The following MLLT3 variants were observed in gnomAD, a reference collection of about 807,000 sequenced individuals.
MLLT3 encodes the protein MLLT3 super elongation complex subunit, also known as protein AF-9.
A neutral mutation model predicts 53.2 loss-of-function variants in MLLT3; 4 were observed. The ratio of observed to expected loss-of-function variants is 0.08; its 90% CI spans 0.04 to 0.17. The LOEUF (loss-of-function observed/expected upper bound fraction) is 0.17, where lower values mean the gene tolerates loss of function less well. Among genes scored for constraint, MLLT3 ranks in the 10% least tolerant of loss-of-function variants. MLLT3 has a pLI of 1.00. For synonymous variants in MLLT3, 283 were observed against 230.6 expected, an observed-to-expected ratio of 1.23 and a Z score of -2.06; for missense variants, 569 against 684.0, an observed-to-expected ratio of 0.83 and a Z score of 1.87.
At chr9:20,558,347 G>T (rs1430448332) in intron 2 of MLLT3, among the ~76,000 whole-genome samples, 2 of 152,164 alleles carry the variant, frequency 1.3e-5, no homozygotes, top group Non-Finnish European at 2.9e-5. Flanking sequence ...TGGCCAGGCT[G>T]ATCTCAAGTG....
intron 2 of MLLT3, among the ~76,000 whole-genome samples, chr9:20,492,597 T>C (rs1824976836): frequency 1.3e-5 from 2 of 151,982 alleles, no homozygotes; most frequent in East Asian, 3.9e-4. Flanking sequence ...TTCCCACATA[T>C]ATTAAGATAT....
At chr9:20,462,063 C>G (rs143027556) in intron 2 of MLLT3, among the ~76,000 whole-genome samples, 72 of 152,326 alleles carry the variant, frequency 4.7e-4, no homozygotes, top group South Asian at 1.5e-3. Flanking sequence ...CCAAACTGTT[C>G]TGCACAAGCA....
chr9:20,397,448 G>T (rs554225513), intron 5 of MLLT3, among the ~76,000 whole-genome samples: 1 of 152,072 alleles, frequency 6.6e-6, no homozygotes, highest in South Asian at 2.1e-4. Context: ...CTTTTCAGGC[G>T]ATTGGAGAGA....
chr9:20,378,144 T>G (rs1490844116), intron 5 of MLLT3, among the ~76,000 whole-genome samples: 1 of 151,132 alleles, frequency 6.6e-6, no homozygotes, highest in Non-Finnish European at 1.5e-5. Context: ...ATTTTTTGTA[T>G]GTGTTTTCTT....
In MLLT3 at chr9:20,462,772, G is replaced by A. The variant is rs549717035; in HGVS notation, c.194-5986C>T. On this transcript the variant is annotated intron_variant, in intron 2 of 10. Coordinates refer to ENST00000380338, the MANE Select transcript of MLLT3 (RefSeq NM_004529.4). Reference sequence around the variant, plus strand: ...AATGCTGTTTCCCACACCTCCTCTCGTTCCTTATCCCAGACCATCATTTAT... The same window carrying A: ...AATGCTGTTTCCCACACCTCCTCTCATTCCTTATCCCAGACCATCATTTAT... Among the ~76,000 whole-genome samples the A allele has an allele frequency of 5.3e-5, 8 of 152,054 alleles. No individual in the cohort carries two copies. In the South Asian group the frequency reaches 6.2e-4, roughly 12 times the overall value.
intron 2 of MLLT3, among the ~76,000 whole-genome samples, chr9:20,514,644 A>G (rs1187114876): frequency 6.6e-6 from 1 of 152,066 alleles, no homozygotes; most frequent in Non-Finnish European, 1.5e-5. Flanking sequence ...TCTAGCTGCC[A>G]GCCTTTATGG....
chr9:20,350,883 C>T (rs138613173), intron 10 of MLLT3, among the ~76,000 whole-genome samples: 1 of 152,172 alleles, frequency 6.6e-6, no homozygotes, highest in Non-Finnish European at 1.5e-5. Flanking sequence ...ATTTCAAAAA[C>T]CAGGGTTCTT....
chr9:20,617,545 C>T (rs1820863450), intron 2 of MLLT3, among the ~76,000 whole-genome samples: 1 of 152,124 alleles, frequency 6.6e-6, no homozygotes, highest in Non-Finnish European at 1.5e-5. Flanking sequence ...TCACATCATA[C>T]TAAAAACAAA....
intron 4 of MLLT3, among the ~76,000 whole-genome samples, chr9:20,417,256 G>A (rs1217705195): frequency 6.8e-6 from 1 of 147,290 alleles, no homozygotes; most frequent in Non-Finnish European, 1.5e-5. Context: ...TGTAATAAAT[G>A]TAAAACAGTG....
intron 10 of MLLT3, among the ~76,000 whole-genome samples, chr9:20,346,784 C>T (rs187064944): frequency 6.6e-6 from 1 of 152,060 alleles, no homozygotes; most frequent in Non-Finnish European, 1.5e-5. Context: ...CCAGTGAGAA[C>T]CTGTCTTGCT....
intron 2 of MLLT3, among the ~76,000 whole-genome samples, chr9:20,555,430 A>C (rs532741089): frequency 3.3e-5 from 5 of 152,304 alleles, no homozygotes; most frequent in South Asian, 4.1e-4. Context: ...TACAGGCGTG[A>C]GCCACCAGAC....
At chr9:20,405,838 G>T (rs986499292) in intron 5 of MLLT3, among the ~76,000 whole-genome samples, 2 of 152,088 alleles carry the variant, frequency 1.3e-5, no homozygotes, top group Non-Finnish European at 2.9e-5. Flanking sequence ...CTGGCCGGGT[G>T]TGGTGGCTCA....
Position 20,394,477 on chromosome 9 carries a change from G to A in MLLT3, c.1125+19244C>T, listed in dbSNP as rs377672557. Among the ~76,000 whole-genome samples, 11 of 152,248 alleles carry A rather than the reference G, an allele frequency of 7.2e-5. No individual in the cohort carries two copies. In the East Asian group the frequency reaches 1.7e-3, roughly 24 times the overall value. ...ACTACAGTGTCTTAGTTCTGATAGT[G>A]CAGTAAGGAGGGGGCATTAGGGATG... On this transcript the variant is annotated intron_variant, in intron 5 of 10. Transcript: ENST00000380338.
intron 2 of MLLT3, among the ~76,000 whole-genome samples, chr9:20,586,051 C>T (rs1199227828): frequency 6.6e-6 from 1 of 152,154 alleles, no homozygotes; most frequent in Non-Finnish European, 1.5e-5. Flanking sequence ...GGAACAATCA[C>T]TCACATCTGT....
chr9:20,448,417 C>A lies in MLLT3; in HGVS notation c.277-151G>T. On this transcript the variant is annotated intron_variant, in intron 3 of 10. Coordinates refer to ENST00000380338, the MANE Select transcript of MLLT3 (RefSeq NM_004529.4). The surrounding 1 kb of genome is among the most constrained non-coding windows in gnomAD (Gnocchi z 4.0). ...GTAGTACTGGGAAAAAAAAAAGTAT[C>A]ATGGAATCATCAGTGAAACAAAATA... The A allele has an allele frequency of 1.7e-6, 1 of 591,920 alleles. No individual in the cohort carries two copies. The highest frequency in any genetic ancestry group is 2.8e-6 in the Non-Finnish European group (1 of 358,992). 36.7% of individuals were successfully genotyped at this position (591,920 alleles called of 1,614,324 possible).
At chr9:20,359,438 A>G (rs1443262552) in intron 8 of MLLT3, among the ~76,000 whole-genome samples, 2 of 152,208 alleles carry the variant, frequency 1.3e-5, no homozygotes, top group African/African-American at 4.8e-5. Flanking sequence ...AGAAGTAAAT[A>G]ACTTGCTGAA....
intron 2 of MLLT3, among the ~76,000 whole-genome samples, chr9:20,610,819 A>T (rs1326665636): frequency 6.6e-6 from 1 of 152,144 alleles, no homozygotes; most frequent in African/African-American, 2.4e-5. Context: ...CTTCCAGCCC[A>T]CTAGTTACTA....
chr9:20,488,858 A>G (rs1450719650), intron 2 of MLLT3, among the ~76,000 whole-genome samples: 2 of 152,228 alleles, frequency 1.3e-5, no homozygotes, highest in Non-Finnish European at 2.9e-5. Context: ...ATTTAGACAG[A>G]AAGGCATTCT....
At chr9:20,557,470 A>G (rs1819091212) in intron 2 of MLLT3, among the ~76,000 whole-genome samples, 1 of 152,174 alleles carries the variant, frequency 6.6e-6, no homozygotes, top group Non-Finnish European at 1.5e-5. Flanking sequence ...CCTGCTTGAC[A>G]GTTTTTGCCA....
Sources: gnomAD v4.1 joint callset for allele counts (sites outside exome capture counted in the v4.1 genomes callset) on GRCh38, gnomAD v4.1.1 for gene constraint, Gnocchi (gnomAD v3.1) non-coding constraint, MANE v1.5 for transcripts, NCBI Gene and HGNC (gene_info 2026-07-23, HGNC 2026-07-21) for gene names.